Variants in NTN4 observed in about 807,000 individuals in gnomAD.
The protein encoded by NTN4 is netrin 4.
In NTN4, 32 loss-of-function variants were observed where a neutral mutation model predicts 73.6. The ratio of observed to expected loss-of-function variants is 0.44; its 90% CI spans 0.33 to 0.58. The LOEUF is 0.58. Among genes scored for constraint, NTN4 ranks in the 20% least tolerant of loss-of-function variants. The probability of loss-of-function intolerance (pLI) is 0.04; values close to 1 mark genes in which losing one functional copy is unlikely to be tolerated. For missense variants in NTN4, 654 were observed against 798.3 expected (o/e 0.82, Z 2.18); for synonymous variants, 258 against 287.5 (o/e 0.90, Z 1.04).
chr12:95,748,782 T>C (rs1236496334), intron 2 of NTN4, among the ~76,000 whole-genome samples: 1 of 152,192 alleles, frequency 6.6e-6, no homozygotes, highest in Non-Finnish European at 1.5e-5. Flanking sequence ...TATTTATATA[T>C]ATAAAATCAC....
chr12:95,710,173 C>T (rs547443183), intron 5 of NTN4, among the ~76,000 whole-genome samples: 4 of 152,226 alleles, frequency 2.6e-5, no homozygotes, highest in African/African-American at 7.2e-5. Flanking sequence ...TTCTATTAGT[C>T]ATCCTGTTTA....
chr12:95,753,013 T>C (rs2078921740), intron 2 of NTN4, among the ~76,000 whole-genome samples: 1 of 152,186 alleles, frequency 6.6e-6, no homozygotes, highest in African/African-American at 2.4e-5. Flanking sequence ...GACTTCAATC[T>C]GGCCTCCCAC....
intron 2 of NTN4, among the ~76,000 whole-genome samples, chr12:95,777,961 C>T (rs2079106194): frequency 6.6e-6 from 1 of 152,150 alleles, no homozygotes; most frequent in Non-Finnish European, 1.5e-5. Flanking sequence ...AACAAACTGT[C>T]TCTCAGACCA....
At chr12:95,692,790 A>G (rs1256836948) in intron 5 of NTN4, among the ~76,000 whole-genome samples, 2 of 152,234 alleles carry the variant, frequency 1.3e-5, no homozygotes, top group Non-Finnish European at 2.9e-5. Flanking sequence ...AGTTGGTAAG[A>G]GCACAAGCTT....
At chr12:95,716,852 C>G (rs1331479803) in intron 3 of NTN4, among the ~76,000 whole-genome samples, 6 of 151,954 alleles carry the variant, frequency 3.9e-5, no homozygotes, top group African/African-American at 1.5e-4. Context: ...CTTTGTTGCT[C>G]AGGCTGAAGT....
intron 5 of NTN4, among the ~76,000 whole-genome samples, chr12:95,705,881 A>G (rs941564211): frequency 6.6e-6 from 1 of 152,242 alleles, no homozygotes; most frequent in Admixed American, 6.5e-5. Context: ...CACCTAGCAC[A>G]TAGTAGCACT....
intron 5 of NTN4, among the ~76,000 whole-genome samples, chr12:95,689,205 T>C (rs2078384399): frequency 1.3e-5 from 2 of 152,214 alleles, no homozygotes; most frequent in Admixed American, 1.3e-4. Context: ...TAGAATCTCA[T>C]TCATTGATTC....
intron 4 of NTN4, 62 bp downstream of exon 4, chr12:95,713,150 G>A: frequency 6.4e-7 from 1 of 1,563,644 alleles, no homozygotes; most frequent in South Asian, 1.2e-5. Flanking sequence ...AGACAACAAG[G>A]AGTCCACAGA....
intron 3 of NTN4, among the ~76,000 whole-genome samples, chr12:95,733,320 GCA>G (rs2078751984): frequency 6.6e-6 from 1 of 152,310 alleles, no homozygotes; most frequent in East Asian, 1.9e-4. Context: ...TGGAGTCAAA[GCA>G]CAGTTTTCCT....
intron 2 of NTN4, among the ~76,000 whole-genome samples, chr12:95,767,291 G>A (rs10859941): frequency 0.35 from 53,631 of 151,900 alleles, 10,097 homozygotes; most frequent in African/African-American, 0.5. Flanking sequence ...ACAATTTAAA[G>A]GTCCCAATCA....
At chr12:95,712,131 C>T (rs547310117) in intron 4 of NTN4, among the ~76,000 whole-genome samples, 34 of 152,190 alleles carry the variant, frequency 2.2e-4, no homozygotes, top group African/African-American at 6.7e-4. Context: ...GGTTCGTGAG[C>T]GTTAACATTG....
chr12:95,680,338 A>G (rs544039147), intron 7 of NTN4, among the ~76,000 whole-genome samples: 2 of 152,374 alleles, frequency 1.3e-5, no homozygotes, highest in African/African-American at 4.8e-5. Flanking sequence ...ACAGAAAAGG[A>G]AACCTGAATG....
At chr12:95,757,566 G>T (rs775640815) in intron 2 of NTN4, among the ~76,000 whole-genome samples, 6 of 152,074 alleles carry the variant, frequency 3.9e-5, no homozygotes, top group African/African-American at 1.4e-4. Context: ...TGGGGAGCAG[G>T]GGAAGAACAG....
chr12:95,685,881 T>C (rs562400221), intron 5 of NTN4, among the ~76,000 whole-genome samples: 1 of 152,270 alleles, frequency 6.6e-6, no homozygotes, highest in South Asian at 2.1e-4. Context: ...ATTAATCCAA[T>C]AGATAATTCT....
At chr12:95,783,730 T>A (rs1351012036) in intron 2 of NTN4, among the ~76,000 whole-genome samples, 1 of 152,218 alleles carries the variant, frequency 6.6e-6, no homozygotes, top group Non-Finnish European at 1.5e-5. Context: ...CAATCTCATC[T>A]CCCAGGAAGG....
chr12:95,744,362 C>A (rs1213676560), intron 2 of NTN4, among the ~76,000 whole-genome samples: 2 of 151,990 alleles, frequency 1.3e-5, no homozygotes, highest in Non-Finnish European at 2.9e-5. Context: ...CTTTTTTTAT[C>A]CTTTTACTTT....
chr12:95,700,114 T>TTTC (rs2078473280), intron 5 of NTN4, among the ~76,000 whole-genome samples: 1 of 125,210 alleles, frequency 8.0e-6, no homozygotes, highest in Non-Finnish European at 1.6e-5. Context: ...TTTTTTTTTT[T>TTTC]TACTTAGGGT....
intron 5 of NTN4, among the ~76,000 whole-genome samples, chr12:95,686,776 AAAAAG>A (rs1370719646): frequency 1.3e-5 from 2 of 152,054 alleles, no homozygotes; most frequent in African/African-American, 4.8e-5. Context: ...AAAAGAAAGA[AAAAAG>A]AAAAGGAGGG....
At chr12:95,756,036 C>T (rs1431884391) in intron 2 of NTN4, among the ~76,000 whole-genome samples, 3 of 152,158 alleles carry the variant, frequency 2.0e-5, no homozygotes, top group Admixed American at 2.0e-4. Flanking sequence ...GAAACTGAGG[C>T]TCTGAGAACT....
Sources: gnomAD v4.1 joint callset for allele counts (sites outside exome capture counted in the v4.1 genomes callset) on GRCh38, gnomAD v4.1.1 for gene constraint, MANE v1.5 for transcripts, NCBI Gene and HGNC (gene_info 2026-07-23, HGNC 2026-07-21) for gene names.